Variants in CSMD1 observed in about 807,000 individuals in gnomAD.
CSMD1 encodes CUB and sushi domain-containing protein 1.
In CSMD1, 213 loss-of-function variants were observed where a neutral mutation model predicts 417.5. That is an observed-to-expected ratio of 0.51 (90% confidence interval 0.46 to 0.57). The LOEUF is 0.57. Ranked by LOEUF, CSMD1 falls within the 20% of genes least tolerant of loss-of-function variation. CSMD1 has a pLI of 0.00. For missense variants in CSMD1, 6,923 were observed against 4,529.7 expected, an observed-to-expected ratio of 1.53 and a Z score of -15.17; for synonymous variants, 2,862 against 1,736.8, an observed-to-expected ratio of 1.65 and a Z score of -16.11.
chr8:4,029,864 T>C (rs1797251697), intron 4 of CSMD1, among the ~76,000 whole-genome samples: 1 of 151,670 alleles, frequency 6.6e-6, no homozygotes, highest in Admixed American at 6.6e-5. Flanking sequence ...AAGAATTGGG[T>C]AAATACAGCC....
At chr8:3,492,700 G>C (rs1796175588) in intron 11 of CSMD1, among the ~76,000 whole-genome samples, 1 of 152,190 alleles carries the variant, frequency 6.6e-6, no homozygotes, top group Non-Finnish European at 1.5e-5. Context: ...TAAGGCTGCA[G>C]AACAGTCTGT....
At chr8:4,809,034 T>G (rs1423562615) in intron 1 of CSMD1, among the ~76,000 whole-genome samples, 1 of 152,234 alleles carries the variant, frequency 6.6e-6, no homozygotes, top group East Asian at 1.9e-4. Context: ...CGAGTTTTAC[T>G]TTCCAGTCAC....
chr8:4,406,717 T>A (rs1174141588), intron 3 of CSMD1, among the ~76,000 whole-genome samples: 1 of 152,148 alleles, frequency 6.6e-6, no homozygotes, highest in East Asian at 1.9e-4. Context: ...GCTTGTGATG[T>A]CCAAATGATA....
intron 18 of CSMD1, among the ~76,000 whole-genome samples, chr8:3,384,843 TTATA>T (rs1810889619): frequency 1.6e-5 from 2 of 123,334 alleles, no homozygotes; most frequent in South Asian, 2.3e-4. Flanking sequence ...GTATACATAT[TTATA>T]TATGCTATTT....
chr8:4,242,103 A>G (rs1319528292), intron 3 of CSMD1, among the ~76,000 whole-genome samples: 1 of 152,188 alleles, frequency 6.6e-6, no homozygotes, highest in East Asian at 1.9e-4. Flanking sequence ...ATCATCATGA[A>G]TTCTCAGAAT....
At chr8:4,881,216 G>C (rs1438438490) in intron 1 of CSMD1, among the ~76,000 whole-genome samples, 1 of 152,030 alleles carries the variant, frequency 6.6e-6, no homozygotes, top group East Asian at 1.9e-4. Context: ...TTATACATAG[G>C]TCCATTCTAG....
chr8:3,472,376 T>C (rs772244248), intron 11 of CSMD1, among the ~76,000 whole-genome samples: 37 of 152,156 alleles, frequency 2.4e-4, no homozygotes, highest in Non-Finnish European at 5.0e-4. Context: ...GGACCTCTAC[T>C]AATGATTTTG....
chr8:3,928,078 G>A (rs896695418), intron 5 of CSMD1, among the ~76,000 whole-genome samples: 1 of 151,974 alleles, frequency 6.6e-6, no homozygotes, highest in Admixed American at 6.6e-5. Flanking sequence ...ATTCAAGGAG[G>A]CCTGAGTTTA....
intron 23 of CSMD1, among the ~76,000 whole-genome samples, chr8:3,342,871 A>T (rs558900526): frequency 7.1e-6 from 1 of 140,640 alleles, no homozygotes; most frequent in East Asian, 2.1e-4. Flanking sequence ...ATACATATAT[A>T]TGATTAAATG....
chr8:3,052,592 C>G lies in CSMD1; in HGVS notation c.7530G>C (p.Glu2510Asp), dbSNP rs1177884291. Reference sequence around the variant, plus strand: ...AGACCACTTTACTGTCCAAAGTGAACTCGTTCCCGGTAAATGAACCGTTTC... The same window carrying G: ...AGACCACTTTACTGTCCAAAGTGAAGTCGTTCCCGGTAAATGAACCGTTTC... ...SPGNGSFTGN[E>D]FTLDSKVVYE... Residue 2510 changes from glutamate (E) to aspartate (D), a missense_variant, in exon 50 of 70, where the codon GAG becomes GAC. Coordinates refer to ENST00000635120, the MANE Select transcript of CSMD1 (RefSeq NM_033225.6). 6.2e-7 allele frequency: 1 copy of G among 1,611,960 alleles called. No homozygotes were observed. The highest frequency in any genetic ancestry group is 1.7e-5 in the Admixed American group (1 of 59,814).
intron 2 of CSMD1, among the ~76,000 whole-genome samples, chr8:4,451,049 T>C (rs925548812): frequency 2.0e-5 from 3 of 152,136 alleles, no homozygotes; most frequent in South Asian, 4.1e-4. Context: ...TAGTGAATTC[T>C]GCACTGCTCA....
intron 3 of CSMD1, among the ~76,000 whole-genome samples, chr8:4,125,180 G>C (rs528248320): frequency 1.6e-3 from 251 of 152,144 alleles, no homozygotes; most frequent in African/African-American, 5.9e-3. Context: ...TAACTCTTGG[G>C]GCCCCAAAAT....
intron 2 of CSMD1, among the ~76,000 whole-genome samples, chr8:4,447,921 G>T (rs563398235): frequency 9.9e-5 from 15 of 151,544 alleles, no homozygotes; most frequent in Non-Finnish European, 1.8e-4. Flanking sequence ...CGGAAATGAC[G>T]ACAATTACCA....
intron 26 of CSMD1, among the ~76,000 whole-genome samples, chr8:3,232,860 A>C (rs1354300979): frequency 4.6e-5 from 7 of 151,948 alleles, no homozygotes; most frequent in Non-Finnish European, 5.9e-5. Flanking sequence ...GTATGTATTT[A>C]GTTGTAATAG....
intron 2 of CSMD1, among the ~76,000 whole-genome samples, chr8:4,583,162 T>G (rs983060785): frequency 6.6e-5 from 10 of 152,138 alleles, no homozygotes; most frequent in African/African-American, 2.4e-4. Flanking sequence ...AGCACCATCC[T>G]CTGCTCCACG....
chr8:3,213,440 C>T (rs915762968), intron 30 of CSMD1, among the ~76,000 whole-genome samples: 1 of 152,134 alleles, frequency 6.6e-6, no homozygotes, highest in African/African-American at 2.4e-5. Context: ...GGCCAGCAGC[C>T]AGGAAGTCTA....
At chr8:4,192,588 G>T (rs568734708) in intron 3 of CSMD1, among the ~76,000 whole-genome samples, 2 of 152,152 alleles carry the variant, frequency 1.3e-5, no homozygotes, top group Admixed American at 6.5e-5. Flanking sequence ...CTCTTCATCA[G>T]CTTTGCCCTA....
chr8:4,059,883 A>G (rs886232385), intron 3 of CSMD1, among the ~76,000 whole-genome samples: 31 of 151,402 alleles, frequency 2.0e-4, no homozygotes, highest in Non-Finnish European at 3.7e-4. Flanking sequence ...AACTGGTACC[A>G]TTCCTTCTGA....
At chr8:3,495,944 G>A (rs1416566304) in intron 10 of CSMD1, among the ~76,000 whole-genome samples, 1 of 152,108 alleles carries the variant, frequency 6.6e-6, no homozygotes, top group African/African-American at 2.4e-5. Flanking sequence ...TGGGCAGGAT[G>A]TGCAGGTTTG....
Sources: allele counts gnomAD v4.1 joint callset (sites outside exome capture counted in the v4.1 genomes callset), GRCh38; gene constraint gnomAD v4.1.1; transcripts MANE v1.5; gene names NCBI Gene and HGNC (gene_info 2026-07-23, HGNC 2026-07-21).